The following SGCD variants were observed in gnomAD, a reference collection of about 807,000 sequenced individuals.
The protein encoded by SGCD is delta-sarcoglycan.
A neutral mutation model predicts 36.6 loss-of-function variants in SGCD; 18 were observed. The observed-to-expected ratio is 0.49, with a 90% CI of 0.34 to 0.73. The LOEUF (loss-of-function observed/expected upper bound fraction) is 0.73, where lower values mean the gene tolerates loss of function less well. SGCD is among the 30% of genes least tolerant of loss of function. The pLI, the probability that SGCD is intolerant of heterozygous loss-of-function variation, is 0.01. For synonymous variants in SGCD, 133 were observed against 130.6 expected, an observed-to-expected ratio of 1.02 and a Z score of -0.12; for missense variants, 387 against 346.7, an observed-to-expected ratio of 1.12 and a Z score of -0.92.
intron 2 of SGCD, among the ~76,000 whole-genome samples, chr5:156,340,723 G>A (rs1227465230): frequency 6.6e-6 from 1 of 152,204 alleles, no homozygotes; most frequent in Non-Finnish European, 1.5e-5. Flanking sequence ...AAGGCCTGGG[G>A]TCTGCCCAAG....
intron 3 of SGCD, among the ~76,000 whole-genome samples, chr5:156,424,205 T>C (rs1580972222): frequency 1.3e-5 from 2 of 152,206 alleles, no homozygotes; most frequent in South Asian, 2.1e-4. Context: ...TATTGTCTTG[T>C]ATGCATGTAT....
At chr5:156,404,596 A>G (rs1772317540) in intron 3 of SGCD, among the ~76,000 whole-genome samples, 1 of 152,272 alleles carries the variant, frequency 6.6e-6, no homozygotes, top group South Asian at 2.1e-4. Context: ...TCCTCATGTC[A>G]TACAGAGCAC....
intron 3 of SGCD, among the ~76,000 whole-genome samples, chr5:156,204,963 A>C (rs936238816): frequency 1.1e-4 from 16 of 152,236 alleles, no homozygotes; most frequent in African/African-American, 3.8e-4. Flanking sequence ...CACAGAAGGC[A>C]CAGAGATGTT....
intron 3 of SGCD, among the ~76,000 whole-genome samples, chr5:156,270,869 A>G (rs1407157167): frequency 6.6e-6 from 1 of 152,198 alleles, no homozygotes; most frequent in African/African-American, 2.4e-5. Context: ...TTTTTAGTCC[A>G]TAGTCCCATA....
chr5:155,762,459 T>G, the SGCD span, among the ~76,000 whole-genome samples: 44 of 152,368 alleles, frequency 2.9e-4, no homozygotes, highest in Middle Eastern at 6.8e-3. Flanking sequence ...TCTTGCTTTA[T>G]AGTTTGCAAT....
chr5:155,757,665 C>T, the SGCD span, among the ~76,000 whole-genome samples: 2 of 152,166 alleles, frequency 1.3e-5, no homozygotes, highest in African/African-American at 4.8e-5. Context: ...CCGGGTTGTA[C>T]AGGATGTTGG....
chr5:156,071,328 G>T (rs963340595), intron 1 of SGCD, among the ~76,000 whole-genome samples: 1 of 152,144 alleles, frequency 6.6e-6, no homozygotes, highest in African/African-American at 2.4e-5. Context: ...CTGGTATGTT[G>T]TATCTTTGTT....
chr5:156,094,098 C>A (rs1181888149), intron 1 of SGCD, among the ~76,000 whole-genome samples: 1 of 152,170 alleles, frequency 6.6e-6, no homozygotes, highest in Non-Finnish European at 1.5e-5. Flanking sequence ...AGCAGCCCCT[C>A]CTTCTAGGTC....
the SGCD span, among the ~76,000 whole-genome samples, chr5:155,741,691 T>C: frequency 7.0e-4 from 105 of 149,626 alleles, 3 homozygotes; most frequent in South Asian, 0.014. Flanking sequence ...TCTTTTCTTT[T>C]TTTTTTTTTT....
intron 1 of SGCD, among the ~76,000 whole-genome samples, chr5:155,997,433 C>T (rs1758574597): frequency 6.6e-6 from 1 of 152,182 alleles, no homozygotes; most frequent in Non-Finnish European, 1.5e-5. Context: ...CTACAGTATC[C>T]ACCAGATTTT....
At chr5:155,951,225 A>T in intron 1 of SGCD, among the ~76,000 whole-genome samples, 1 of 152,304 alleles carries the variant, frequency 6.6e-6, no homozygotes, top group Non-Finnish European at 1.5e-5. Context: ...ACTGAAAGAC[A>T]TATACAGGAT....
chr5:156,750,446 G>C (rs1470341816), intron 7 of SGCD, among the ~76,000 whole-genome samples: 1 of 151,942 alleles, frequency 6.6e-6, no homozygotes, highest in East Asian at 1.9e-4. Context: ...AGCACTTTAG[G>C]AGGCCCAGGC....
chr5:156,439,482 G>C (rs1753390274), intron 3 of SGCD, among the ~76,000 whole-genome samples: 1 of 151,770 alleles, frequency 6.6e-6, no homozygotes, highest in African/African-American at 2.4e-5. Flanking sequence ...TTAAATTATT[G>C]CCCCCCTCAG....
At chr5:156,473,750 C>T (rs1755066729) in intron 3 of SGCD, among the ~76,000 whole-genome samples, 1 of 152,220 alleles carries the variant, frequency 6.6e-6, no homozygotes, top group South Asian at 2.1e-4. Flanking sequence ...GTGATTCATT[C>T]GATTTGGCAT....
intron 7 of SGCD, among the ~76,000 whole-genome samples, chr5:156,744,769 A>G (rs1012142914): frequency 1.3e-5 from 2 of 152,226 alleles, no homozygotes; most frequent in Non-Finnish European, 2.9e-5. Flanking sequence ...GCCAGATGTG[A>G]TTCTCAGAAA....
At chr5:156,561,360 A>C (rs527888642) in intron 4 of SGCD, among the ~76,000 whole-genome samples, 1 of 152,344 alleles carries the variant, frequency 6.6e-6, no homozygotes, top group Non-Finnish European at 1.5e-5. Flanking sequence ...GACTAGAAAT[A>C]ATCATCATTG....
the SGCD span, among the ~76,000 whole-genome samples, chr5:155,751,335 C>T: frequency 6.6e-5 from 10 of 152,118 alleles, no homozygotes; most frequent in Non-Finnish European, 1.2e-4. Flanking sequence ...ATTCAGATGA[C>T]CTGTGTCTCA....
chr5:155,949,220 G>A (rs1271714933), intron 1 of SGCD, among the ~76,000 whole-genome samples: 1 of 152,178 alleles, frequency 6.6e-6, no homozygotes, highest in African/African-American at 2.4e-5. Context: ...TCCAACAGAT[G>A]CCTTTGTAAA....
chr5:156,272,576 T>C (rs1766209343), intron 3 of SGCD, among the ~76,000 whole-genome samples: 1 of 152,198 alleles, frequency 6.6e-6, no homozygotes, highest in South Asian at 2.1e-4. Context: ...ATCCGCGTTA[T>C]GACAAGGGCC....
Sources: gnomAD v4.1 joint callset for allele counts (sites outside exome capture counted in the v4.1 genomes callset) on GRCh38, gnomAD v4.1.1 for gene constraint, MANE v1.5 for transcripts, NCBI Gene and HGNC (gene_info 2026-07-23, HGNC 2026-07-21) for gene names.